Variants in TNFAIP3 observed in about 807,000 individuals in gnomAD.
The protein encoded by TNFAIP3 is tumor necrosis factor alpha-induced protein 3.
TNFAIP3 carries 9 observed loss-of-function variants against 72.4 expected under a neutral mutation model. That is an observed-to-expected ratio of 0.12 (90% CI 0.07 to 0.22). The LOEUF (loss-of-function observed/expected upper bound fraction) is 0.22, where lower values mean the gene tolerates loss of function less well. Ranked by LOEUF, TNFAIP3 falls within the 10% of genes least tolerant of loss-of-function variation. The probability of loss-of-function intolerance (pLI) is 1.00; values close to 1 mark genes in which losing one functional copy is unlikely to be tolerated. For missense variants in TNFAIP3, 833 were observed against 1,018.7 expected (o/e 0.82, Z 2.48); for synonymous variants, 339 against 372.6 (o/e 0.91, Z 1.04).
chr6:137,876,116 A>G lies in TNFAIP3; in HGVS notation c.755A>G (p.Tyr252Cys), dbSNP rs1776238299. The G allele has an allele frequency of 3.7e-6, 6 of 1,614,060 alleles. No individual in the cohort carries two copies. Among genetic ancestry groups the G allele is most frequent in the African/African-American group, 1.3e-5 (1 of 74,936 alleles). Residue 252 changes from tyrosine to cysteine, a missense_variant, in exon 5 of 9, where the codon TAT (tyrosine) becomes TGT (cysteine). Tyr to Cys is a radical substitution (Grantham distance 194, BLOSUM62 -2). Coordinates refer to ENST00000612899, the MANE Select transcript of TNFAIP3 (RefSeq NM_001270508.2). ...TACAGATACCCCATTGTTCTCGGCT[A>G]TGACAGCCATCATTTTGTACCCTTG... The part of the protein sequence containing the change: ...ECYRYPIVLG[Y>C]DSHHFVPLVT...
chr6:137,875,897 T>C (rs1488550640), intron 4 of TNFAIP3, 62 bp downstream of exon 4: 41 of 1,605,852 alleles, frequency 2.6e-5, no homozygotes, highest in Non-Finnish European at 3.5e-5. Context: ...CCTTGGCTCC[T>C]GGAGAAAACC....
rs5029963 is a variant in TNFAIP3 at position 137,873,606 on chromosome 6, A to G, written c.296-1239A>G. Among the ~76,000 whole-genome samples the G allele has an allele frequency of 3.3e-3, 502 of 152,326 alleles. 1 individual carries two copies. The highest frequency in any genetic ancestry group is 5.4e-3 in the Non-Finnish European group (367 of 68,020). ...GGGAATTTTATACTGGTGCATCTCAATAAAGAACTGAAAGTAAGCACAAGA... is the reference window on the plus strand; with the variant it reads ...GGGAATTTTATACTGGTGCATCTCAGTAAAGAACTGAAAGTAAGCACAAGA... On this transcript the variant is annotated intron_variant, in intron 2 of 8. Transcript: ENST00000612899.
At position 137,871,496 on chromosome 6, in the gene TNFAIP3, G is replaced by T; in HGVS notation, c.269G>T (p.Arg90Leu). The part of the protein sequence containing the change: ...QKKLNWCREV[R>L]KLVALKTNGD... ...AAACTCAACTGGTGTCGAGAAGTCC[G>T]GAAGCTTGTGGCGCTGAAAACGAAC... The change falls in exon 2 of 9, where the codon CGG becomes CTG. Residue 90 changes from arginine (R) to leucine (L), a missense_variant. Transcript: ENST00000612899. This position sits in a 1 kb window ranked among gnomAD's most constrained non-coding sequence, Gnocchi z 4.2. 1.2e-6 allele frequency: 2 copies of T among 1,614,090 alleles called. No homozygotes were observed. The highest frequency in any genetic ancestry group is 1.7e-6 in the Non-Finnish European group (2 of 1,179,986).
intron 6 of TNFAIP3, among the ~76,000 whole-genome samples, chr6:137,878,065 T>G (rs867417175): frequency 1.3e-5 from 2 of 152,232 alleles, no homozygotes; most frequent in African/African-American, 4.8e-5. Flanking sequence ...ATGGCCTCAG[T>G]AATATTTTAC....
rs71009567 is a variant in TNFAIP3, at chr6:137,869,337, AGATG to A, written c.-16+1834_-15-1834del. Among the ~76,000 whole-genome samples the A allele has an allele frequency of 6.0e-3, 873 of 145,140 alleles. 6 individuals carry two copies. The highest frequency in any genetic ancestry group is 0.02 in the African/African-American group (772 of 38,982). On this transcript the variant is annotated intron_variant, in intron 1 of 8. Transcript: ENST00000612899. Reference sequence around the variant, plus strand: ...TGGGTGGATGGGTGGATGGATGGATAGATGGATGGATGGATGGATGGATGGATGG... The same window carrying A: ...TGGGTGGATGGGTGGATGGATGGATAGATGGATGGATGGATGGATGGATGG...
chr6:137,878,717 G>C lies in TNFAIP3; in HGVS notation c.1272G>C (p.Lys424Asn). Reference protein sequence around the residue: ...NQNKLPKLNSKPGPEGLPGMA... With the variant: ...NQNKLPKLNSNPGPEGLPGMA... ...ACAAACTCCCAAAGCTGAACTCCAA[G>C]CCGGGCCCTGAGGGGCTCCCTGGCA... The change falls in exon 7 of 9, where the codon AAG becomes AAC. Residue 424 changes from lysine to asparagine, a missense_variant. By Grantham distance (94) the Lys-to-Asn change is moderately conservative. This residue lies in a region of TNFAIP3 where 587 missense variants were observed against 657.8 expected (regional missense o/e 0.89). Transcript: ENST00000612899. 6.2e-7 allele frequency: 1 copy of C among 1,614,110 alleles called. No homozygotes were observed. The highest frequency in any genetic ancestry group is 8.5e-7 in the Non-Finnish European group (1 of 1,180,028).
rs757770814 is a variant in TNFAIP3 at position 137,871,548 on chromosome 6, T to C, written c.295+26T>C. On this transcript the variant is annotated intron_variant, in intron 2 of 8. Coordinates refer to ENST00000612899, the MANE Select transcript of TNFAIP3 (RefSeq NM_001270508.2). The surrounding 1 kb of genome is among the most constrained non-coding windows in gnomAD (Gnocchi z 4.2). Reference sequence around the variant, plus strand: ...GTAAGACTTGTTCTGTTGTGTTTCTTTTGCCTGGGTGATAGCTCCCGCCTG... The same window carrying C: ...GTAAGACTTGTTCTGTTGTGTTTCTCTTGCCTGGGTGATAGCTCCCGCCTG... 3.3e-5 allele frequency: 53 copies of C among 1,605,226 alleles called. No homozygotes were observed. The highest frequency in any genetic ancestry group is 4.5e-5 in the Non-Finnish European group (53 of 1,174,312).
rs3214646 is a variant in TNFAIP3 at position 137,871,187 on chromosome 6, C to CT, written c.-15-15dup. On this transcript the variant is annotated intron_variant, in intron 1 of 8. Transcript: ENST00000612899. This position sits in a 1 kb window ranked among gnomAD's most constrained non-coding sequence, Gnocchi z 4.2. ...TATTAAAGTCAGGCTAATAGAATGGCTTTTTTTTTTTCCTTTCCTTTTCAG... is the reference window on the plus strand; with the variant it reads ...TATTAAAGTCAGGCTAATAGAATGGCTTTTTTTTTTTTCCTTTCCTTTTCAG... 12,733 of 1,077,466 alleles carry CT rather than the reference C, an allele frequency of 0.012. 2 individuals are homozygous for CT. Among genetic ancestry groups the CT allele is most frequent in the South Asian group, 0.025 (1,425 of 57,026 alleles). 66.7% of individuals were successfully genotyped at this position (1,077,466 alleles called of 1,614,324 possible).
Position 137,871,985 on chromosome 6 carries a change from G to C in TNFAIP3, c.295+463G>C, listed in dbSNP as rs902666292. Among the ~76,000 whole-genome samples the C allele has an allele frequency of 6.6e-6, 1 of 152,166 alleles. No individual in the cohort carries two copies. The highest frequency in any genetic ancestry group is 1.5e-5 in the Non-Finnish European group (1 of 68,040). Reference sequence around the variant, plus strand: ...CTTCTTGAATTGGTAGCATTTTATGGGTTAACCAGTGAATGGCTGTTGAAG... The same window carrying C: ...CTTCTTGAATTGGTAGCATTTTATGCGTTAACCAGTGAATGGCTGTTGAAG... On this transcript the variant is annotated intron_variant, in intron 2 of 8. Transcript: ENST00000612899. The surrounding 1 kb of genome is among the most constrained non-coding windows in gnomAD (Gnocchi z 4.2).
intron 6 of TNFAIP3, 101 bp downstream of exon 6, chr6:137,877,357 T>G (rs1582891782): frequency 1.9e-6 from 2 of 1,055,836 alleles, no homozygotes; most frequent in East Asian, 5.2e-5. Context: ...GTAGAGTGAT[T>G]TGCGGCCAGT....
intron 1 of TNFAIP3, among the ~76,000 whole-genome samples, chr6:137,869,411 G>A: frequency 6.6e-6 from 1 of 151,126 alleles, no homozygotes; most frequent in East Asian, 1.9e-4. Flanking sequence ...AGATGATATT[G>A]TGAAAGAGAC....
rs1161975403 is a variant in TNFAIP3, at chr6:137,872,553, T to C, written c.295+1031T>C. Among the ~76,000 whole-genome samples, 5 of 152,204 alleles carry C rather than the reference T, an allele frequency of 3.3e-5. No homozygotes were observed. In the East Asian group the frequency reaches 9.6e-4, roughly 29 times the overall value. On this transcript the variant is annotated intron_variant, in intron 2 of 8. Transcript: ENST00000612899. ...AGCCAAGTACATTAACTTTGGCTTT[T>C]TTTGACTTGGGTAACTTAGAGTGAT... is the stretch of plus-strand genomic sequence containing the variant.
In TNFAIP3 at chr6:137,877,019, A is replaced by G; in HGVS notation, c.806-57A>G. On this transcript the variant is annotated intron_variant, in intron 5 of 8. Coordinates refer to ENST00000612899, the MANE Select transcript of TNFAIP3 (RefSeq NM_001270508.2). The stretch of plus-strand genomic sequence containing the variant: ...TACATTTTCAAAATGAGATCTACTT[A>G]CCTATGGCCTTGTTTAGTAGAATAC... 5 of 1,304,846 alleles carry G rather than the reference A, an allele frequency of 3.8e-6. No homozygotes were observed. In the South Asian group the frequency reaches 8.0e-5, roughly 21 times the overall value. 80.8% of individuals were successfully genotyped at this position (1,304,846 alleles called of 1,614,324 possible). A position where few individuals can be genotyped will look rare whatever the true frequency, so the allele number is the denominator to read the frequency against.
In TNFAIP3 at chr6:137,878,721, G is replaced by A. The variant is rs2114498826; in HGVS notation, c.1276G>A (p.Gly426Ser). 5 of 1,614,044 alleles carry A rather than the reference G, an allele frequency of 3.1e-6. No homozygotes were observed. In the South Asian group the frequency reaches 3.3e-5, roughly 11 times the overall value. Residue 426 changes from glycine (G) to serine (S), a missense_variant, in exon 7 of 9, where the codon GGC becomes AGC. Physicochemically the swap from Gly to Ser is moderately conservative, Grantham distance 56. Around this residue, in one of 2 missense-constraint regions of TNFAIP3, gnomAD observed 587 missense variants for 657.8 expected, o/e 0.89. Transcript: ENST00000612899. ...NKLPKLNSKP[G>S]PEGLPGMALG... ...ACTCCCAAAGCTGAACTCCAAGCCG[G>A]GCCCTGAGGGGCTCCCTGGCATGGC...
intron 5 of TNFAIP3, among the ~76,000 whole-genome samples, 174 bp from the exon 6 acceptor site, chr6:137,876,902 A>C (rs1448696822): frequency 1.3e-5 from 2 of 152,168 alleles, no homozygotes; most frequent in Non-Finnish European, 2.9e-5. Flanking sequence ...GAAACAGTGC[A>C]TTTTTATATT....
At position 137,868,551 on chromosome 6, in the gene TNFAIP3, A is replaced by G. The variant is rs1037449280; in HGVS notation, c.-16+1009A>G. Among the ~76,000 whole-genome samples the G allele has an allele frequency of 2.6e-5, 4 of 152,196 alleles. No homozygotes were observed. In the East Asian group the frequency reaches 5.8e-4, roughly 22 times the overall value. On this transcript the variant is annotated intron_variant, in intron 1 of 8. Transcript: ENST00000612899. The stretch of plus-strand genomic sequence containing the variant: ...GGTATTTGTTGATAAATAATTCATC[A>G]ATTTCCACAATGCAGACAAAAATGT...
chr6:137,881,159 A>G lies in TNFAIP3; in HGVS notation c.2213A>G (p.His738Arg). 1 of 1,613,772 alleles carries G rather than the reference A, an allele frequency of 6.2e-7. No individual in the cohort carries two copies. Among genetic ancestry groups the G allele is most frequent in the Non-Finnish European group, 8.5e-7 (1 of 1,179,958 alleles). ...RSEELCMECQHPNQRMGPGAH... is the reference protein window; with the variant it reads ...RSEELCMECQRPNQRMGPGAH... ...GAGGAGCTCTGCATGGAGTGTCAGC[A>G]TCCCAACCAGAGGATGGGCCCTGGG... The change falls in exon 9 of 9, where the codon CAT becomes CGT. Residue 738 changes from histidine (H) to arginine (R), a missense_variant. By Grantham distance (29) the His-to-Arg change is conservative. This residue lies in a region of TNFAIP3 where 587 missense variants were observed against 657.8 expected (regional missense o/e 0.89). Transcript: ENST00000612899. This position sits in a 1 kb window ranked among gnomAD's most constrained non-coding sequence, Gnocchi z 5.0.
At position 137,883,205 on chromosome 6, in the gene TNFAIP3, T is replaced by C. The variant is rs200016426; in HGVS notation, c.*1886T>C. ...AGTATTTGAAATTTGCACATTTAAT[T>C]GTCCCTAATAGAAAGCCACCTATTC... On this transcript the variant is annotated 3_prime_UTR_variant, in exon 9 of 9. Coordinates refer to ENST00000612899, the MANE Select transcript of TNFAIP3 (RefSeq NM_001270508.2). 5.0e-6 allele frequency: 1 copy of C among 198,886 alleles called. No homozygotes were observed. Among genetic ancestry groups the C allele is most frequent in the East Asian group, 8.2e-5 (1 of 12,262 alleles). The allele number at this position is 198,886 out of a possible 1,614,324, so 12.3% of individuals were successfully genotyped here.
chr6:137,877,211 T>C lies in TNFAIP3; in HGVS notation c.941T>C (p.Val314Ala). 3 of 1,613,816 alleles carry C rather than the reference T, an allele frequency of 1.9e-6. No individual in the cohort carries two copies. The highest frequency in any genetic ancestry group is 2.5e-6 in the Non-Finnish European group (3 of 1,179,908). ...KEYLMVIEIP[V>A]QGWDHGTTHL... ...TACTTAATGGTGATAGAAATCCCCGTCCAAGGCTGGGACCATGGCACAACT... is the reference window on the plus strand; with the variant it reads ...TACTTAATGGTGATAGAAATCCCCGCCCAAGGCTGGGACCATGGCACAACT... The change falls in exon 6 of 9, where the codon GTC (valine) becomes GCC (alanine). Residue 314 changes from valine to alanine, a missense_variant. Val to Ala is a moderately conservative substitution (Grantham distance 64). This residue lies in a region of TNFAIP3 where 587 missense variants were observed against 657.8 expected (regional missense o/e 0.89). Transcript: ENST00000612899.
Sources: gnomAD v4.1 joint callset for allele counts (sites outside exome capture counted in the v4.1 genomes callset) on GRCh38, gnomAD v4.1.1 for gene constraint, gnomAD v4.1.1 regional missense constraint, Gnocchi (gnomAD v3.1) non-coding constraint, MANE v1.5 for transcripts, NCBI Gene and HGNC (gene_info 2026-07-23, HGNC 2026-07-21) for gene names.